Variants in C1QTNF3 observed in about 807,000 individuals in gnomAD.
C1QTNF3 encodes C1q and TNF related 3.
Under a neutral mutation model 32.6 loss-of-function variants are expected in C1QTNF3, and 26 were observed. The ratio of observed to expected loss-of-function variants is 0.80; its 90% CI spans 0.58 to 1.11. The LOEUF is 1.11. C1QTNF3 is among the 50% of genes least tolerant of loss of function. The probability of loss-of-function intolerance (pLI) is 0.00; values close to 1 mark genes in which losing one functional copy is unlikely to be tolerated. For missense variants in C1QTNF3, 362 were observed against 398.2 expected, an observed-to-expected ratio of 0.91 and a Z score of 0.77; for synonymous variants, 155 against 146.0, an observed-to-expected ratio of 1.06 and a Z score of -0.44.
At chr5:34,195,107 A>C in the C1QTNF3 span, among the ~76,000 whole-genome samples, 2 of 150,978 alleles carry the variant, frequency 1.3e-5, no homozygotes, top group Non-Finnish European at 3.0e-5. Context: ...AGAAGAGTAG[A>C]TTTTGAATTT....
chr5:34,130,834 GCT>G, the C1QTNF3 span, among the ~76,000 whole-genome samples: 1 of 152,296 alleles, frequency 6.6e-6, no homozygotes, highest in East Asian at 1.9e-4. Flanking sequence ...CAGGGCACTG[GCT>G]CTCTCTATGT....
chr5:34,061,658 C>T, the C1QTNF3 span, among the ~76,000 whole-genome samples: 1 of 152,156 alleles, frequency 6.6e-6, no homozygotes, highest in South Asian at 2.1e-4. Flanking sequence ...AAGCCATGGC[C>T]CCAGCTCTAT....
intron 4 of C1QTNF3, chr5:34,024,216 A>G (rs1036816394): frequency 1.2e-5 from 6 of 500,106 alleles, no homozygotes; most frequent in South Asian, 4.5e-5. Context: ...TGTATCCCGA[A>G]TAAGACTTAA....
chr5:34,038,432 A>G (rs7712366), intron 1 of C1QTNF3, among the ~76,000 whole-genome samples: 110,173 of 151,966 alleles, frequency 0.72, 40,139 homozygotes, highest in East Asian at 0.86. Context: ...GGGAAAACTG[A>G]CTTGTGGCAA....
At chr5:34,204,804 TTTAC>T in the C1QTNF3 span, among the ~76,000 whole-genome samples, 1 of 150,890 alleles carries the variant, frequency 6.6e-6, no homozygotes, top group Admixed American at 6.6e-5. Context: ...CATTCAGCAC[TTTAC>T]TTAAATTTTC....
the C1QTNF3 span, among the ~76,000 whole-genome samples, chr5:34,126,036 A>G: frequency 2.0e-5 from 3 of 152,204 alleles, no homozygotes; most frequent in African/African-American, 7.2e-5. Flanking sequence ...ATCTTGATAA[A>G]GAAAAGATAG....
the C1QTNF3 span, among the ~76,000 whole-genome samples, chr5:34,108,491 G>C: frequency 1.3e-5 from 2 of 152,064 alleles, no homozygotes; most frequent in South Asian, 4.1e-4. Context: ...TTGGTAAAAG[G>C]AGACACTTAT....
At chr5:34,167,196 T>C in the C1QTNF3 span, 2 of 152,164 alleles carry the variant, frequency 1.3e-5, no homozygotes, top group Non-Finnish European at 2.9e-5. Flanking sequence ...CTAGTCCCAG[T>C]CTCTGCTCAT....
the C1QTNF3 span, among the ~76,000 whole-genome samples, chr5:34,235,546 CTTTTTT>C: frequency 9.6e-6 from 1 of 103,922 alleles, no homozygotes. Flanking sequence ...ATTTCTTTTT[CTTTTTT>C]TTTTTTTTTT....
At chr5:34,081,883 T>C in the C1QTNF3 span, among the ~76,000 whole-genome samples, 1 of 151,772 alleles carries the variant, frequency 6.6e-6, no homozygotes, top group African/African-American at 2.4e-5. Context: ...TTTGATATCC[T>C]ACATAATTTT....
At chr5:34,227,381 T>C in the C1QTNF3 span, among the ~76,000 whole-genome samples, 2 of 152,004 alleles carry the variant, frequency 1.3e-5, no homozygotes, top group Non-Finnish European at 2.9e-5. Context: ...TGTGTGTGCC[T>C]ACGTCTTGAT....
At chr5:34,126,314 A>G in the C1QTNF3 span, among the ~76,000 whole-genome samples, 39 of 150,874 alleles carry the variant, frequency 2.6e-4, no homozygotes, top group African/African-American at 9.0e-4. Context: ...AATCTACCTT[A>G]TCAAGAAGAG....
the C1QTNF3 span, among the ~76,000 whole-genome samples, chr5:34,051,153 T>A: frequency 6.6e-6 from 1 of 152,186 alleles, no homozygotes; most frequent in East Asian, 1.9e-4. Context: ...CATGTTTACA[T>A]ACAAAATGGG....
the C1QTNF3 span, among the ~76,000 whole-genome samples, chr5:34,058,336 G>GAA: frequency 6.6e-6 from 1 of 152,186 alleles, no homozygotes. Flanking sequence ...GATTTAGGGT[G>GAA]AAGAGTGGAA....
chr5:34,177,920 G>C, the C1QTNF3 span, among the ~76,000 whole-genome samples: 2 of 151,988 alleles, frequency 1.3e-5, no homozygotes, highest in South Asian at 2.1e-4. Flanking sequence ...ACCACACCCA[G>C]CACTGCAGAG....
the C1QTNF3 span, chr5:34,218,489 A>G: frequency 2.0e-5 from 3 of 151,944 alleles, no homozygotes; most frequent in East Asian, 5.8e-4. Context: ...GAAACGCACA[A>G]AAGTTTGTGA....
At chr5:34,153,724 G>A in the C1QTNF3 span, among the ~76,000 whole-genome samples, 4 of 99,740 alleles carry the variant, frequency 4.0e-5, no homozygotes, top group Non-Finnish European at 8.0e-5. Flanking sequence ...GGGGAGGGGG[G>A]AGGGATAGCA....
At chr5:34,084,986 CTTTTTTTTTTT>C in the C1QTNF3 span, among the ~76,000 whole-genome samples, 1 of 69,934 alleles carries the variant, frequency 1.4e-5, no homozygotes, top group Non-Finnish European at 2.6e-5. Context: ...ACGTTTAAGT[CTTTTTTTTTTT>C]TTTTTTTTTT....
the C1QTNF3 span, chr5:34,176,079 G>C: frequency 3.5e-6 from 2 of 569,794 alleles, no homozygotes; most frequent in South Asian, 2.2e-5. Flanking sequence ...GTGACTGCAG[G>C]ACTCACTGAT....
Sources: allele counts gnomAD v4.1 joint callset (sites outside exome capture counted in the v4.1 genomes callset), GRCh38; gene constraint gnomAD v4.1.1; transcripts MANE v1.5; gene names NCBI Gene and HGNC (gene_info 2026-07-23, HGNC 2026-07-21).